FAM199X: variants seen among roughly 807,000 people sequenced by gnomAD.
The protein encoded by FAM199X is family with sequence similarity 199, X-linked, also known as protein FAM199X.
Under a neutral mutation model 22.9 loss-of-function variants are expected in FAM199X, and 4 were observed. That is an observed-to-expected ratio of 0.17 (90% CI 0.09 to 0.40). The LOEUF (loss-of-function observed/expected upper bound fraction) is 0.40, where lower values mean the gene tolerates loss of function less well. FAM199X is among the 10% of genes least tolerant of loss of function. The pLI is 1.00. For missense variants in FAM199X, 183 were observed against 306.8 expected, an observed-to-expected ratio of 0.60 and a Z score of 3.01; for synonymous variants, 101 against 112.3, an observed-to-expected ratio of 0.90 and a Z score of 0.64.
At chrX:104,160,676 A>G in the FAM199X span, among the ~76,000 whole-genome samples, 1 of 112,574 alleles carries the variant, frequency 8.9e-6, no homozygotes, top group South Asian at 3.6e-4. Flanking sequence ...TTCTTCTATG[A>G]TTCAGAAGAC....
chrX:104,188,145 A>G lies in FAM199X; in HGVS notation c.835A>G (p.Ser279Gly), dbSNP rs868954404. 8.3e-7 allele frequency: 1 copy of G among 1,211,938 alleles called. No individual in the cohort carries two copies. Among genetic ancestry groups the G allele is most frequent in the African/African-American group, 1.7e-5 (1 of 57,811 alleles). Residue 279 changes from serine (S) to glycine (G), a missense_variant, in exon 5 of 6, where the codon AGT (serine) becomes GGT (glycine). Coordinates refer to ENST00000493442, the MANE Select transcript of FAM199X (RefSeq NM_207318.4). ...CASTSGVSGA[S>G]ASASSSSASM... ...AAGCACCAGTGGAGTGAGCGGTGCC[A>G]GTGCCAGCGCCAGCAGCAGCAGTGC... is the stretch of plus-strand genomic sequence containing the variant.
rs1556380763 is a variant in FAM199X, at chrX:104,192,825, C to G, written c.*3047C>G. 9.0e-6 allele frequency: 1 copy of G among 111,210 alleles called. No individual in the cohort carries two copies. The highest frequency in any genetic ancestry group is 2.8e-4 in the East Asian group (1 of 3,580). 9.2% of individuals were successfully genotyped at this position (111,210 alleles called of 1,213,427 possible). A position where few individuals can be genotyped will look rare whatever the true frequency, so the allele number is the denominator to read the frequency against. Reference sequence around the variant, plus strand: ...CAGAAACTGACCTATAAAATAATGACTCATTATAGATTGGGTGAACTTCTC... The same window carrying G: ...CAGAAACTGACCTATAAAATAATGAGTCATTATAGATTGGGTGAACTTCTC... On this transcript the variant is annotated 3_prime_UTR_variant, in exon 6 of 6. Coordinates refer to ENST00000493442, the MANE Select transcript of FAM199X (RefSeq NM_207318.4).
chrX:104,184,345 T>C (rs1921740456), intron 2 of FAM199X, among the ~76,000 whole-genome samples: 1 of 112,265 alleles, frequency 8.9e-6, no homozygotes, highest in African/African-American at 3.2e-5. Flanking sequence ...TTGCAAGCTC[T>C]ATAGAACCAA....
rs782515100 is a variant in FAM199X at position 104,188,235 on chromosome X, G to A, written c.925G>A (p.Ala309Thr). Residue 309 changes from alanine (A) to threonine (T), a missense_variant, in exon 5 of 6, where the codon GCC becomes ACC. Physicochemically the swap from Ala to Thr is moderately conservative, Grantham distance 58. Coordinates refer to ENST00000493442, the MANE Select transcript of FAM199X (RefSeq NM_207318.4). ...TGGAAACTCTGCTTCAAACTCCAGTGCCAACATGAGTCGAGCACACAGTGA... is the reference window on the plus strand; with the variant it reads ...TGGAAACTCTGCTTCAAACTCCAGTACCAACATGAGTCGAGCACACAGTGA... ...SVGNSASNSS[A>T]NMSRAHSDSN... 1 of 1,212,210 alleles carries A rather than the reference G, an allele frequency of 8.2e-7. No individual in the cohort carries two copies. The highest frequency in any genetic ancestry group is 2.2e-5 in the Admixed American group (1 of 46,082).
chrX:104,161,200 A>G, the FAM199X span, among the ~76,000 whole-genome samples: 22 of 112,131 alleles, frequency 2.0e-4, no homozygotes, highest in Non-Finnish European at 3.8e-5. Flanking sequence ...TTAAGAAAAT[A>G]TCATTAAACC....
At chrX:104,167,934 A>G (rs1556374434) in intron 1 of FAM199X, among the ~76,000 whole-genome samples, 1 of 111,224 alleles carries the variant, frequency 9.0e-6, no homozygotes, top group Non-Finnish European at 1.9e-5. Context: ...AGAGGGGTTC[A>G]GCTATGGAAA....
intron 1 of FAM199X, among the ~76,000 whole-genome samples, chrX:104,170,027 A>G (rs1243052619): frequency 3.6e-5 from 4 of 112,431 alleles, no homozygotes; most frequent in African/African-American, 1.3e-4. Context: ...ATAAATTTCA[A>G]TAAGCCAAAA....
chrX:104,174,222 C>T (rs1468651378), intron 1 of FAM199X, among the ~76,000 whole-genome samples: 3 of 110,900 alleles, frequency 2.7e-5, no homozygotes, highest in East Asian at 5.6e-4. Context: ...ATGGGAGAAT[C>T]GCTTGAGCCT....
At chrX:104,180,644 A>G (rs1426351729) in intron 2 of FAM199X, among the ~76,000 whole-genome samples, 3 of 111,641 alleles carry the variant, frequency 2.7e-5, no homozygotes, top group Non-Finnish European at 3.8e-5. Context: ...CTCTATTACC[A>G]TGGATATCTG....
Position 104,192,811 on chromosome X carries a change from C to G in FAM199X, c.*3033C>G, listed in dbSNP as rs782808694. On this transcript the variant is annotated 3_prime_UTR_variant, in exon 6 of 6. Transcript: ENST00000493442. ...TGGTGAATTAATCTCAGAAACTGAC[C>G]TATAAAATAATGACTCATTATAGAT... The G allele has an allele frequency of 2.7e-5, 3 of 110,944 alleles. No homozygotes were observed. Among genetic ancestry groups the G allele is most frequent in the African/African-American group, 9.8e-5 (3 of 30,652 alleles). The allele number at this position is 110,944 out of a possible 1,213,427, so 9.1% of individuals were successfully genotyped here.
upstream of FAM199X, among the ~76,000 whole-genome samples, chrX:104,162,586 C>T (rs1360369888): frequency 1.8e-5 from 2 of 112,152 alleles, no homozygotes; most frequent in Admixed American, 9.5e-5. Context: ...GTAAAAACCT[C>T]ACTAATCTTC....
rs782689153 is a variant in FAM199X, at chrX:104,176,319, CTT to C, written c.417+482_417+483del. Among the ~76,000 whole-genome samples the C allele has an allele frequency of 6.8e-4, 76 of 111,925 alleles. No individual in the cohort carries two copies. The Middle Eastern group carries it at 0.014, about 21-fold the overall frequency. On this transcript the variant is annotated intron_variant, in intron 2 of 5. Coordinates refer to ENST00000493442, the MANE Select transcript of FAM199X (RefSeq NM_207318.4). ...ATGTAGACATGTTTTTCGCCTGACACTTTTTTCTTGTGGCATATATACCATGT... is the reference window on the plus strand; with the variant it reads ...ATGTAGACATGTTTTTCGCCTGACACTTTTCTTGTGGCATATATACCATGT...
Position 104,193,237 on chromosome X carries a change from A to C in FAM199X, c.*3459A>C, listed in dbSNP as rs1333561405. The C allele has an allele frequency of 8.9e-6, 1 of 112,123 alleles. No homozygotes were observed. The highest frequency in any genetic ancestry group is 1.9e-5 in the Non-Finnish European group (1 of 53,016). 9.2% of individuals were successfully genotyped at this position (112,123 alleles called of 1,213,427 possible). On this transcript the variant is annotated 3_prime_UTR_variant, in exon 6 of 6. Coordinates refer to ENST00000493442, the MANE Select transcript of FAM199X (RefSeq NM_207318.4). ...ATCAATGCTAATAGAGTATAAAAACAAAAACCTTCAAATTTTAAGTTTCAT... is the reference window on the plus strand; with the variant it reads ...ATCAATGCTAATAGAGTATAAAAACCAAAACCTTCAAATTTTAAGTTTCAT...
intron 1 of FAM199X, among the ~76,000 whole-genome samples, chrX:104,175,291 T>G (rs1921459729): frequency 8.9e-6 from 1 of 112,135 alleles, no homozygotes; most frequent in African/African-American, 3.2e-5. Flanking sequence ...AATAGTGTAC[T>G]ACAAAAATTT....
Position 104,193,854 on chromosome X carries a change from T to G in FAM199X, c.*4076T>G, listed in dbSNP as rs1454367746. ...GCTAAGTGAATAAAAACTGAGATAT[T>G]TTAAGCTAGGCATCTTTGTTAGCAT... On this transcript the variant is annotated 3_prime_UTR_variant, in exon 6 of 6. Transcript: ENST00000493442. The G allele has an allele frequency of 2.7e-5, 3 of 111,798 alleles. No individual in the cohort carries two copies. The highest frequency in any genetic ancestry group is 5.7e-5 in the Non-Finnish European group (3 of 52,976). 9.2% of individuals were successfully genotyped at this position (111,798 alleles called of 1,213,427 possible). A position where few individuals can be genotyped will look rare whatever the true frequency, so the allele number is the denominator to read the frequency against.
chrX:104,172,324 T>G (rs895715806), intron 1 of FAM199X, among the ~76,000 whole-genome samples: 5 of 99,242 alleles, frequency 5.0e-5, no homozygotes, highest in African/African-American at 7.5e-5. Flanking sequence ...AAGGCTGAGG[T>G]GAGAGGATGA....
In FAM199X at chrX:104,175,483, C is replaced by G. The variant is rs782412729; in HGVS notation, c.198-140C>G. The G allele has an allele frequency of 1.0e-5, 5 of 485,682 alleles. No individual in the cohort carries two copies. The Admixed American group carries it at 1.3e-4, about 13-fold the overall frequency. 40.0% of individuals were successfully genotyped at this position (485,682 alleles called of 1,213,427 possible). A position where few individuals can be genotyped will look rare whatever the true frequency, so the allele number is the denominator to read the frequency against. On this transcript the variant is annotated intron_variant, in intron 1 of 5. Coordinates refer to ENST00000493442, the MANE Select transcript of FAM199X (RefSeq NM_207318.4). Reference sequence around the variant, plus strand: ...ATTCATAAATATTTTAGTATATTTCCTTAAAAGGTAGGGGCTCTTTTAAAA... The same window carrying G: ...ATTCATAAATATTTTAGTATATTTCGTTAAAAGGTAGGGGCTCTTTTAAAA...
At chrX:104,180,933 G>T (rs1556377698) in intron 2 of FAM199X, among the ~76,000 whole-genome samples, 1 of 112,281 alleles carries the variant, frequency 8.9e-6, no homozygotes, top group Non-Finnish European at 1.9e-5. Context: ...TTAATAAGAT[G>T]AGATTTTAAC....
chrX:104,175,223 C>T (rs1272764451), intron 1 of FAM199X, among the ~76,000 whole-genome samples: 1 of 112,333 alleles, frequency 8.9e-6, no homozygotes, highest in Non-Finnish European at 1.9e-5. Context: ...ATGCTGTATG[C>T]TTTGTTTATG....
Sources: allele counts gnomAD v4.1 joint callset (sites outside exome capture counted in the v4.1 genomes callset), GRCh38; gene constraint gnomAD v4.1.1; transcripts MANE v1.5; gene names NCBI Gene and HGNC (gene_info 2026-07-23, HGNC 2026-07-21).